Variants in PPP1R13B observed in about 807,000 individuals in gnomAD.
PPP1R13B encodes protein phosphatase 1 regulatory subunit 13B, also known as apoptosis-stimulating of p53 protein 1.
A neutral mutation model predicts 119.8 loss-of-function variants in PPP1R13B; 44 were observed. The observed-to-expected ratio is 0.37, with a 90% CI of 0.29 to 0.47. The LOEUF (loss-of-function observed/expected upper bound fraction) is 0.47, where lower values mean the gene tolerates loss of function less well. Among genes scored for constraint, PPP1R13B ranks in the 20% least tolerant of loss-of-function variants. PPP1R13B has a pLI of 0.99. For synonymous variants in PPP1R13B, 542 were observed against 561.5 expected (o/e 0.97, Z 0.49); for missense variants, 1,227 against 1,413.5 (o/e 0.87, Z 2.12).
At chr14:103,817,027 A>G (rs2086297240) in intron 1 of PPP1R13B, among the ~76,000 whole-genome samples, 2 of 152,234 alleles carry the variant, frequency 1.3e-5, no homozygotes, top group Non-Finnish European at 2.9e-5. Flanking sequence ...GAATTTGCTT[A>G]TAATGCTCAG....
At chr14:103,739,348 A>G (rs7493782) in intron 12 of PPP1R13B, 4,070 of 351,924 alleles carry the variant, frequency 0.012, 52 homozygotes, top group Non-Finnish European at 0.014. Flanking sequence ...AGCTGATGGG[A>G]GCCAGCAGCT....
chr14:103,820,209 C>G (rs2086374984), intron 1 of PPP1R13B, among the ~76,000 whole-genome samples: 1 of 152,174 alleles, frequency 6.6e-6, no homozygotes, highest in African/African-American at 2.4e-5. Flanking sequence ...TCCCTTCTCA[C>G]CACCCCACCA....
intron 1 of PPP1R13B, among the ~76,000 whole-genome samples, chr14:103,810,589 C>G (rs769437923): frequency 6.6e-6 from 1 of 151,444 alleles, no homozygotes; most frequent in Non-Finnish European, 1.5e-5. Context: ...CTGGCTAACA[C>G]AGTGAAACTC....
At chr14:103,775,892 C>T (rs886451605) in intron 4 of PPP1R13B, among the ~76,000 whole-genome samples, 2 of 152,066 alleles carry the variant, frequency 1.3e-5, no homozygotes, top group African/African-American at 4.8e-5. Context: ...ATCTTAACAA[C>T]AGGAATATTT....
At chr14:103,771,039 C>T (rs944553511) in intron 4 of PPP1R13B, among the ~76,000 whole-genome samples, 2 of 152,094 alleles carry the variant, frequency 1.3e-5, no homozygotes, top group Non-Finnish European at 2.9e-5. Flanking sequence ...GACCTACAAC[C>T]TCAATGTAAG....
intron 3 of PPP1R13B, 64 bp downstream of exon 3, chr14:103,784,731 C>T: frequency 1.4e-6 from 2 of 1,467,842 alleles, no homozygotes; most frequent in South Asian, 1.3e-5. Context: ...ATATTTATTC[C>T]TATTTTTCTT....
intron 1 of PPP1R13B, among the ~76,000 whole-genome samples, chr14:103,824,997 T>C (rs945484306): frequency 7.9e-5 from 12 of 152,206 alleles, no homozygotes; most frequent in African/African-American, 2.7e-4. Context: ...CAAGCACGTC[T>C]ACTGGTGCCA....
chr14:103,803,282 G>A (rs557916918), intron 1 of PPP1R13B, among the ~76,000 whole-genome samples: 41 of 152,218 alleles, frequency 2.7e-4, no homozygotes, highest in African/African-American at 9.4e-4. Context: ...GTAGGATTAA[G>A]GAAACTAAAT....
At chr14:103,786,385 G>C (rs2085462544) in intron 2 of PPP1R13B, among the ~76,000 whole-genome samples, 1 of 152,108 alleles carries the variant, frequency 6.6e-6, no homozygotes, top group African/African-American at 2.4e-5. Flanking sequence ...CTCAGTTGTT[G>C]AATTTAAAGG....
At chr14:103,776,610 C>T (rs146246765) in intron 4 of PPP1R13B, among the ~76,000 whole-genome samples, 7 of 152,178 alleles carry the variant, frequency 4.6e-5, no homozygotes, top group East Asian at 3.9e-4. Context: ...CGATGGCTCA[C>T]GCCTGTAATC....
chr14:103,775,161 A>G (rs903406359), intron 4 of PPP1R13B, among the ~76,000 whole-genome samples: 9 of 152,202 alleles, frequency 5.9e-5, no homozygotes, highest in Non-Finnish European at 1.3e-4. Flanking sequence ...TATATCATAT[A>G]CAACACACCT....
At chr14:103,800,953 C>G (rs12880368) in intron 1 of PPP1R13B, among the ~76,000 whole-genome samples, 2 of 151,716 alleles carry the variant, frequency 1.3e-5, no homozygotes, top group African/African-American at 4.8e-5. Context: ...TGGGTTCAAG[C>G]GATTCTCCTG....
At chr14:103,797,643 A>G (rs1482020250) in intron 1 of PPP1R13B, 125 bp from the exon 2 acceptor site, 2 of 491,954 alleles carry the variant, frequency 4.1e-6, no homozygotes, top group East Asian at 7.6e-5. Flanking sequence ...ATTTTCTGGA[A>G]ATAATAATAG....
intron 1 of PPP1R13B, among the ~76,000 whole-genome samples, chr14:103,805,271 G>C (rs1336768872): frequency 6.6e-6 from 1 of 152,076 alleles, no homozygotes; most frequent in Non-Finnish European, 1.5e-5. Flanking sequence ...GTTCATAGTA[G>C]CCAAAAAGAA....
intron 1 of PPP1R13B, among the ~76,000 whole-genome samples, chr14:103,798,160 T>TTTC: frequency 6.7e-6 from 1 of 149,520 alleles, no homozygotes; most frequent in Non-Finnish European, 1.5e-5. Context: ...CTCTTTTTTT[T>TTTC]TTTTTTTTTG....
rs550502154 is a variant in PPP1R13B, at chr14:103,740,815, A to T, written c.1823-222T>A. 4.8e-3 allele frequency among the ~76,000 whole-genome samples: 736 copies of T among 152,282 alleles called. 3 individuals carry two copies. Among genetic ancestry groups the T allele is most frequent in the Non-Finnish European group, 8.3e-3 (562 of 68,020 alleles). The stretch of plus-strand genomic sequence containing the variant: ...GCCTCTCTAATGTGTCGGTTTTTAC[A>T]TTTGGGTTTCCAGAACTGGAGCTTT... On this transcript the variant is annotated intron_variant, in intron 11 of 16. Coordinates refer to ENST00000202556, the MANE Select transcript of PPP1R13B (RefSeq NM_015316.3). This position sits in a 1 kb window ranked among gnomAD's most constrained non-coding sequence, Gnocchi z 4.6.
chr14:103,818,263 CCT>C (rs939245121), intron 1 of PPP1R13B, among the ~76,000 whole-genome samples: 1 of 152,168 alleles, frequency 6.6e-6, no homozygotes, highest in African/African-American at 2.4e-5. Flanking sequence ...TGGTTTGGGT[CCT>C]GAGATTTGGG....
intron 1 of PPP1R13B, among the ~76,000 whole-genome samples, chr14:103,800,224 G>A (rs1416217541): frequency 1.3e-5 from 2 of 152,172 alleles, no homozygotes; most frequent in Non-Finnish European, 2.9e-5. Flanking sequence ...GCTGAGGTGG[G>A]AGGATCACTT....
At chr14:103,797,143 G>T in intron 2 of PPP1R13B, 1 of 360,044 alleles carries the variant, frequency 2.8e-6, no homozygotes, top group Non-Finnish European at 4.9e-6. Context: ...GTAAAACTCA[G>T]TCCTGTGCAA....
Sources: gnomAD v4.1 joint callset for allele counts (sites outside exome capture counted in the v4.1 genomes callset) on GRCh38, gnomAD v4.1.1 for gene constraint, Gnocchi (gnomAD v3.1) non-coding constraint, MANE v1.5 for transcripts, NCBI Gene and HGNC (gene_info 2026-07-23, HGNC 2026-07-21) for gene names.